The following FGD6 variants were observed in gnomAD, a reference collection of about 807,000 sequenced individuals.
The protein encoded by FGD6 is FYVE, RhoGEF and PH domain containing 6, also known as FYVE, RhoGEF and PH domain-containing protein 6.
In FGD6, 90 loss-of-function variants were observed where a neutral mutation model predicts 149.4. The observed-to-expected ratio is 0.60, with a 90% CI of 0.51 to 0.72. The LOEUF (loss-of-function observed/expected upper bound fraction) is 0.72. Among genes scored for constraint, FGD6 ranks in the 30% least tolerant of loss-of-function variants. The pLI is 0.00. For synonymous variants in FGD6, 527 were observed against 584.0 expected, an observed-to-expected ratio of 0.90 and a Z score of 1.41; for missense variants, 1,437 against 1,684.8, an observed-to-expected ratio of 0.85 and a Z score of 2.57.
chr12:95,107,335 T>C (rs1878662181), intron 12 of FGD6, among the ~76,000 whole-genome samples: 2 of 152,202 alleles, frequency 1.3e-5, no homozygotes, highest in African/African-American at 4.8e-5. Flanking sequence ...AGAACAATTT[T>C]CCAAGTTAGA....
At chr12:95,176,414 T>C (rs1881134042) in intron 2 of FGD6, among the ~76,000 whole-genome samples, 1 of 152,198 alleles carries the variant, frequency 6.6e-6, no homozygotes, top group Non-Finnish European at 1.5e-5. Flanking sequence ...AGTTAGTTCA[T>C]AATTTGATAT....
At chr12:95,088,042 G>T (rs1877935327) in intron 18 of FGD6, among the ~76,000 whole-genome samples, 1 of 152,058 alleles carries the variant, frequency 6.6e-6, no homozygotes, top group African/African-American at 2.4e-5. Flanking sequence ...TATTAATGTT[G>T]CTCAAAATAT....
rs368425886 is a variant in FGD6, at chr12:95,125,819, T to G, written c.3082+8920A>C. ...CAACCTACGTCGCCTTTGGACCTCA[T>G]GCTGGAAAATTCATTGTGATCATAG... is the stretch of plus-strand genomic sequence containing the variant. On this transcript the variant is annotated intron_variant, in intron 8 of 20. Coordinates refer to ENST00000343958, the MANE Select transcript of FGD6 (RefSeq NM_018351.4). 577 of 932,442 alleles carry G rather than the reference T, an allele frequency of 6.2e-4. 11 individuals carry two copies. In the South Asian group the frequency reaches 7.0e-3, roughly 11 times the overall value. The allele number at this position is 932,442 out of a possible 1,614,324, so 57.8% of individuals were successfully genotyped here.
rs1024247100 is a variant in FGD6, at chr12:95,177,869, G to A, written c.2442-5125C>T. On this transcript the variant is annotated intron_variant, in intron 2 of 20. Transcript: ENST00000343958. ...CCCTTATAGGACTGCAGATTCCACTGTCACAGTAAAACCATGAATCAAATC... is the reference window on the plus strand; with the variant it reads ...CCCTTATAGGACTGCAGATTCCACTATCACAGTAAAACCATGAATCAAATC... Among the ~76,000 whole-genome samples, 9 of 151,720 alleles carry A rather than the reference G, an allele frequency of 5.9e-5. No individual in the cohort carries two copies. In the South Asian group the frequency reaches 1.5e-3, roughly 25 times the overall value.
rs1244635299 is a variant in FGD6 at position 95,211,205 on chromosome 12, G to A, written c.79C>T (p.Pro27Ser). 26 of 1,612,098 alleles carry A rather than the reference G, an allele frequency of 1.6e-5. No individual in the cohort carries two copies. Among genetic ancestry groups the A allele is most frequent in the Non-Finnish European group, 2.0e-5 (24 of 1,179,746 alleles). ...KFVVANNKPA[P>S]PPIAPKPDIV... ...TCGGGTTTAGGTGCAATAGGAGGTG[G>A]GGCTGGCTTATTATTTGCCACAACA... is the stretch of plus-strand genomic sequence containing the variant. Residue 27 changes from proline to serine, a missense_variant, in exon 2 of 21, where the codon CCA becomes TCA. Pro to Ser is a moderately conservative substitution (Grantham distance 74). Transcript: ENST00000343958.
At chr12:95,138,248 C>A (rs999027521) in intron 6 of FGD6, among the ~76,000 whole-genome samples, 174 of 104,528 alleles carry the variant, frequency 1.7e-3, no homozygotes, top group Non-Finnish European at 2.2e-3. Context: ...AAATAAATAA[C>A]TCACTCACTC....
intron 1 of FGD6, among the ~76,000 whole-genome samples, chr12:95,216,905 T>G (rs920402102): frequency 1.3e-5 from 2 of 152,216 alleles, no homozygotes; most frequent in African/African-American, 4.8e-5. Flanking sequence ...TATTTTCACA[T>G]GCAAAGGCGA....
intron 5 of FGD6, among the ~76,000 whole-genome samples, chr12:95,149,529 G>A (rs1880230816): frequency 7.5e-6 from 1 of 133,856 alleles, no homozygotes. Flanking sequence ...GTTTTATATA[G>A]TATTATATAT....
chr12:95,213,992 G>A (rs2056740465), intron 1 of FGD6, among the ~76,000 whole-genome samples: 1 of 152,182 alleles, frequency 6.6e-6, no homozygotes, highest in South Asian at 2.1e-4. Context: ...TGGGGGAGTT[G>A]AACAGGCCTC....
At chr12:95,110,722 T>C (rs1483579174) in intron 9 of FGD6, among the ~76,000 whole-genome samples, 1 of 152,056 alleles carries the variant, frequency 6.6e-6, no homozygotes, top group Non-Finnish European at 1.5e-5. Context: ...CGTGGACACA[T>C]TTCCTGCTTT....
chr12:95,103,457 T>C (rs887918878), intron 14 of FGD6, among the ~76,000 whole-genome samples: 7 of 152,224 alleles, frequency 4.6e-5, no homozygotes, highest in Admixed American at 2.0e-4. Flanking sequence ...AATTACATTA[T>C]GGCAACATAT....
At chr12:95,178,230 T>C (rs1881187682) in intron 2 of FGD6, among the ~76,000 whole-genome samples, 1 of 152,174 alleles carries the variant, frequency 6.6e-6, no homozygotes, top group Admixed American at 6.6e-5. Context: ...GTTGGCCATT[T>C]GCATCCTCCA....
intron 8 of FGD6, among the ~76,000 whole-genome samples, chr12:95,123,916 T>C (rs567360822): frequency 4.2e-4 from 64 of 151,124 alleles, no homozygotes; most frequent in African/African-American, 1.4e-3. Context: ...TTTCTTCCTT[T>C]TTTTTTTTCT....
At chr12:95,083,508 CTAAA>C (rs1473760109) in intron 20 of FGD6, among the ~76,000 whole-genome samples, 14 of 151,530 alleles carry the variant, frequency 9.2e-5, no homozygotes, top group Non-Finnish European at 2.9e-5. Context: ...ACTATTTTGT[CTAAA>C]TAATTTTTAT....
intron 2 of FGD6, among the ~76,000 whole-genome samples, chr12:95,175,359 C>T (rs562532616): frequency 1.1e-4 from 17 of 152,202 alleles, no homozygotes; most frequent in African/African-American, 3.9e-4. Context: ...AAAATGATAT[C>T]AGAAAGCAAC....
intron 8 of FGD6, among the ~76,000 whole-genome samples, chr12:95,124,678 T>C (rs114636484): frequency 0.014 from 2,111 of 152,226 alleles, 45 homozygotes; most frequent in African/African-American, 0.048. Context: ...TGGGTAGAAT[T>C]TGGGGTATCT....
intron 1 of FGD6, among the ~76,000 whole-genome samples, chr12:95,215,479 A>T (rs2056748726): frequency 6.6e-6 from 1 of 152,224 alleles, no homozygotes; most frequent in African/African-American, 2.4e-5. Context: ...ATAAAACCCC[A>T]GTTCTCTTCC....
At chr12:95,187,993 A>C (rs1403863263) in intron 2 of FGD6, among the ~76,000 whole-genome samples, 1 of 152,202 alleles carries the variant, frequency 6.6e-6, no homozygotes, top group Non-Finnish European at 1.5e-5. Context: ...TACCTTTTCA[A>C]GTATGTTTTG....
intron 2 of FGD6, among the ~76,000 whole-genome samples, chr12:95,203,569 T>C (rs1439921069): frequency 6.6e-6 from 1 of 152,220 alleles, no homozygotes; most frequent in Admixed American, 6.5e-5. Flanking sequence ...GACAACTAAT[T>C]AGTAAAACCA....
Sources: allele counts gnomAD v4.1 joint callset (sites outside exome capture counted in the v4.1 genomes callset), GRCh38; gene constraint gnomAD v4.1.1; transcripts MANE v1.5; gene names NCBI Gene and HGNC (gene_info 2026-07-23, HGNC 2026-07-21).